EMCN: variants seen among roughly 807,000 people sequenced by gnomAD.
EMCN encodes MUC-14.
EMCN carries 37 observed loss-of-function variants against 38.4 expected under a neutral mutation model. The ratio of observed to expected loss-of-function variants is 0.96; its 90% CI spans 0.74 to 1.27. The LOEUF (loss-of-function observed/expected upper bound fraction) is 1.27. Among genes scored for constraint, EMCN ranks in the 50% most tolerant of loss-of-function variants. The pLI is 0.00. For missense variants in EMCN, 318 were observed against 302.8 expected (o/e 1.05, Z -0.37); for synonymous variants, 95 against 100.8 (o/e 0.94, Z 0.35).
intron 5 of EMCN, among the ~76,000 whole-genome samples, chr4:100,423,723 G>C (rs1578403183): frequency 1.3e-5 from 2 of 152,074 alleles, no homozygotes; most frequent in East Asian, 3.9e-4. Flanking sequence ...GTAAATCTAT[G>C]CAAAAGCATT....
rs1165696226 is a variant in EMCN at position 100,398,146 on chromosome 4, C to T, written c.*267G>A. On this transcript the variant is annotated 3_prime_UTR_variant, in exon 12 of 12. Transcript: ENST00000296420. ...CTCACAAATTCTCCTCCTAAAATTC[C>T]TTTTCCTAGGAACGCTCCTGTAAAT... 1 of 152,082 alleles carries T rather than the reference C, an allele frequency of 6.6e-6. No homozygotes were observed. The highest frequency in any genetic ancestry group is 1.5e-5 in the Non-Finnish European group (1 of 68,024). 9.4% of individuals were successfully genotyped at this position (152,082 alleles called of 1,614,324 possible). A position where few individuals can be genotyped will look rare whatever the true frequency, so the allele number is the denominator to read the frequency against.
intron 4 of EMCN, among the ~76,000 whole-genome samples, chr4:100,452,643 C>T (rs1271441343): frequency 6.6e-6 from 1 of 152,012 alleles, no homozygotes; most frequent in Non-Finnish European, 1.5e-5. Context: ...TTATAGATAC[C>T]AGAATGACTA....
intron 11 of EMCN, among the ~76,000 whole-genome samples, chr4:100,404,018 G>C (rs1726327167): frequency 6.6e-6 from 1 of 152,024 alleles, no homozygotes; most frequent in South Asian, 2.1e-4. Context: ...CATTTTGTAA[G>C]TCGTCTGTTT....
chr4:100,401,929 A>G (rs1193594536), intron 11 of EMCN, among the ~76,000 whole-genome samples: 1 of 152,114 alleles, frequency 6.6e-6, no homozygotes, highest in Admixed American at 6.6e-5. Context: ...TGGTCATAGA[A>G]CAGTTAAATG....
intron 8 of EMCN, among the ~76,000 whole-genome samples, chr4:100,417,890 T>C (rs1030700940): frequency 1.3e-5 from 2 of 152,208 alleles, no homozygotes; most frequent in African/African-American, 2.4e-5. Flanking sequence ...CTTGTTGTGC[T>C]CCTTTGGTCT....
chr4:100,403,453 ATCTAGGTTGGTGGG>A (rs1218722234), intron 11 of EMCN, among the ~76,000 whole-genome samples: 2 of 106,760 alleles, frequency 1.9e-5, no homozygotes, highest in Admixed American at 2.8e-4. Flanking sequence ...ACTGATGGGC[ATCTAGGTTGGTGGG>A]CATCTAGGTT....
chr4:100,463,439 TTTGA>T (rs1728235791), intron 4 of EMCN, among the ~76,000 whole-genome samples: 1 of 152,148 alleles, frequency 6.6e-6, no homozygotes, highest in Non-Finnish European at 1.5e-5. Flanking sequence ...AGAAAGAAAA[TTTGA>T]TTGGCTAAGC....
intron 1 of EMCN, among the ~76,000 whole-genome samples, chr4:100,510,930 A>C (rs1729610744): frequency 6.6e-6 from 1 of 152,218 alleles, no homozygotes; most frequent in South Asian, 2.1e-4. Flanking sequence ...AATGACTGGT[A>C]GGCAAATGCC....
At chr4:100,514,930 C>T (rs1729714425) in intron 1 of EMCN, among the ~76,000 whole-genome samples, 1 of 152,088 alleles carries the variant, frequency 6.6e-6, no homozygotes, top group Admixed American at 6.6e-5. Flanking sequence ...TTCCTCTCTC[C>T]CCCACTTCTA....
At chr4:100,410,781 G>A (rs1197253880) in intron 10 of EMCN, among the ~76,000 whole-genome samples, 1 of 152,144 alleles carries the variant, frequency 6.6e-6, no homozygotes, top group South Asian at 2.1e-4. Context: ...AATTCAGTGA[G>A]GGTTTTGTGA....
At chr4:100,417,665 T>C (rs1179772238) in intron 8 of EMCN, among the ~76,000 whole-genome samples, 1 of 152,194 alleles carries the variant, frequency 6.6e-6, no homozygotes, top group Non-Finnish European at 1.5e-5. Context: ...CTGCAAAATG[T>C]CGCAGAGGCT....
intron 5 of EMCN, among the ~76,000 whole-genome samples, chr4:100,442,181 G>T (rs1727540728): frequency 6.6e-6 from 1 of 152,146 alleles, no homozygotes; most frequent in African/African-American, 2.4e-5. Context: ...GGCTAGCAAT[G>T]CTTTTGTTCT....
chr4:100,402,540 G>A lies in EMCN; in HGVS notation c.*40-4167C>T, dbSNP rs74964880. Among the ~76,000 whole-genome samples, 16 of 152,240 alleles carry A rather than the reference G, an allele frequency of 1.1e-4. No individual in the cohort carries two copies. The East Asian group carries it at 3.1e-3, about 29-fold the overall frequency. ...TGATAGAAATATCTTAAGGAAAAAA[G>A]TGAGACAGACAATAGAATTGAACAG... On this transcript the variant is annotated intron_variant, in intron 11 of 11. Coordinates refer to ENST00000296420, the MANE Select transcript of EMCN (RefSeq NM_016242.4).
At chr4:100,471,545 T>C (rs1438436475) in intron 3 of EMCN, among the ~76,000 whole-genome samples, 1 of 151,946 alleles carries the variant, frequency 6.6e-6, no homozygotes, top group Non-Finnish European at 1.5e-5. Context: ...TCATAAACTC[T>C]TTCAAAAATT....
intron 1 of EMCN, among the ~76,000 whole-genome samples, chr4:100,482,195 A>G (rs1728826531): frequency 6.6e-6 from 1 of 152,142 alleles, no homozygotes; most frequent in African/African-American, 2.4e-5. Flanking sequence ...TCTGTAGTAG[A>G]TTACAGTCAG....
rs1726157085 is a variant in EMCN, at chr4:100,397,909, T to C, written c.*504A>G. On this transcript the variant is annotated 3_prime_UTR_variant, in exon 12 of 12. Transcript: ENST00000296420. Reference sequence around the variant, plus strand: ...TACTTATATGTACAAAGTAGCATGGTATGATTTCTACCTAATATTTAATAA... The same window carrying C: ...TACTTATATGTACAAAGTAGCATGGCATGATTTCTACCTAATATTTAATAA... 1 of 152,098 alleles carries C rather than the reference T, an allele frequency of 6.6e-6. No individual in the cohort carries two copies. The highest frequency in any genetic ancestry group is 1.5e-5 in the Non-Finnish European group (1 of 68,012). The allele number at this position is 152,098 out of a possible 1,614,324, so 9.4% of individuals were successfully genotyped here. A position where few individuals can be genotyped will look rare whatever the true frequency, so the allele number is the denominator to read the frequency against.
rs757937139 is a variant in EMCN, at chr4:100,417,132, T to G, written c.674A>C (p.Glu225Ala). The stretch of plus-strand genomic sequence containing the variant: ...GCTTACTTACTGATCATTTCCATTT[T>G]CTGGTGTGCCTAGGAGAAGAGGGAG... ...MCWKADPGTP[E>A]NGNDQPQSDK... The change falls in exon 9 of 12, where the codon GAA becomes GCA. Residue 225 changes from glutamate to alanine, a missense_variant. Transcript: ENST00000296420. 6.2e-7 allele frequency: 1 copy of G among 1,613,830 alleles called. No homozygotes were observed. Among genetic ancestry groups the G allele is most frequent in the East Asian group, 2.2e-5 (1 of 44,846 alleles).
At chr4:100,403,150 GT>G (rs1378803744) in intron 11 of EMCN, among the ~76,000 whole-genome samples, 2 of 152,064 alleles carry the variant, frequency 1.3e-5, no homozygotes, top group Non-Finnish European at 2.9e-5. Context: ...CGTCATAGGG[GT>G]TTGGCGTTCA....
intron 5 of EMCN, among the ~76,000 whole-genome samples, chr4:100,433,187 T>C (rs1294038026): frequency 6.6e-6 from 1 of 152,232 alleles, no homozygotes. Flanking sequence ...ATTTTTCTTT[T>C]AGATTTCACA....
Sources: gnomAD v4.1 joint callset for allele counts (sites outside exome capture counted in the v4.1 genomes callset) on GRCh38, gnomAD v4.1.1 for gene constraint, MANE v1.5 for transcripts, NCBI Gene and HGNC (gene_info 2026-07-23, HGNC 2026-07-21) for gene names.